Variants in ANKRD26 observed in about 807,000 individuals in gnomAD.
ANKRD26 encodes ankyrin repeat domain 26, also known as ankyrin repeat domain-containing protein 26.
A neutral mutation model predicts 208.7 loss-of-function variants in ANKRD26; 141 were observed. The observed-to-expected ratio is 0.68, with a 90% confidence interval of 0.59 to 0.78. The LOEUF is 0.78. ANKRD26 is among the 30% of genes least tolerant of loss of function. The pLI, the probability that ANKRD26 is intolerant of heterozygous loss-of-function variation, is 0.00. For synonymous variants in ANKRD26, 636 were observed against 660.4 expected, an observed-to-expected ratio of 0.96 and a Z score of 0.57; for missense variants, 1,889 against 1,938.7, an observed-to-expected ratio of 0.97 and a Z score of 0.48.
intron 27 of ANKRD26, among the ~76,000 whole-genome samples, chr10:27,027,506 C>G (rs2053701072): frequency 6.6e-6 from 1 of 152,126 alleles, no homozygotes; most frequent in Admixed American, 6.5e-5. Context: ...CAGAAATAAT[C>G]CGAACGTCCA....
intron 4 of ANKRD26, among the ~76,000 whole-genome samples, chr10:26,998,006 A>T (rs56834555): frequency 1.1e-3 from 161 of 152,220 alleles, no homozygotes; most frequent in African/African-American, 3.8e-3. Flanking sequence ...GTTGGGTCTG[A>T]TTACCCCAAC....
intron 27 of ANKRD26, among the ~76,000 whole-genome samples, chr10:27,026,227 G>A (rs963404741): frequency 1.3e-5 from 2 of 152,148 alleles, no homozygotes; most frequent in African/African-American, 4.8e-5. Context: ...ATTTCAAAGT[G>A]ACTAATAATT....
intron 6 of ANKRD26, among the ~76,000 whole-genome samples, chr10:27,082,315 G>A (rs2055950659): frequency 6.6e-6 from 1 of 152,130 alleles, no homozygotes; most frequent in Admixed American, 6.5e-5. Context: ...ATGGCCCTGT[G>A]GCCACAGCTA....
chr10:27,091,424 C>T (rs2135717496), intron 4 of ANKRD26, among the ~76,000 whole-genome samples: 1 of 152,150 alleles, frequency 6.6e-6, no homozygotes, highest in East Asian at 1.9e-4. Context: ...TGTCTTTCTT[C>T]CCTTTGCCCA....
At chr10:27,010,765 C>T (rs1030291832) in intron 32 of ANKRD26, among the ~76,000 whole-genome samples, 7 of 152,130 alleles carry the variant, frequency 4.6e-5, no homozygotes, top group Non-Finnish European at 1.0e-4. Flanking sequence ...GCTTCGGCCT[C>T]CCAAAGTGTT....
chr10:26,960,872 G>T, the ANKRD26 span, among the ~76,000 whole-genome samples: 5 of 152,130 alleles, frequency 3.3e-5, no homozygotes, highest in East Asian at 9.6e-4. Context: ...CAACAGTGGG[G>T]GGTAGCCTCA....
intron 5 of ANKRD26, among the ~76,000 whole-genome samples, chr10:26,994,303 A>G (rs2052541116): frequency 6.6e-6 from 1 of 152,220 alleles, no homozygotes; most frequent in African/African-American, 2.4e-5. Flanking sequence ...AAAACAGATC[A>G]GGAGTAAACC....
chr10:27,044,358 T>C (rs748926864), intron 18 of ANKRD26, among the ~76,000 whole-genome samples, 168 bp from the exon 19 acceptor site: 18 of 152,124 alleles, frequency 1.2e-4, no homozygotes, highest in Non-Finnish European at 2.4e-4. Flanking sequence ...AATAACTTTC[T>C]ACAAGGGGTA....
intron 15 of ANKRD26, among the ~76,000 whole-genome samples, chr10:27,057,412 C>CA (rs1237358977): frequency 2.6e-5 from 4 of 151,962 alleles, no homozygotes; most frequent in Admixed American, 6.6e-5. Flanking sequence ...AATTAAGATT[C>CA]TTCAGGGATA....
chr10:27,066,499 A>G lies in ANKRD26; in HGVS notation c.1257T>C (p.Pro419=). 1 of 1,595,720 alleles carries G rather than the reference A, an allele frequency of 6.3e-7. No individual in the cohort carries two copies. The highest frequency in any genetic ancestry group is 1.3e-5 in the African/African-American group (1 of 74,728). ...CCATAGAAAGTACCTCAGAATCCCA[A>G]GGTGATTCTATATCTTCCTCTTGTC... ...GLGQEEDIES[P]WDSESISENF... The change falls in exon 11 of 34, where the codon CCT becomes CCC. Residue 419 remains proline (P), a synonymous_variant. Coordinates refer to ENST00000376087, the MANE Select transcript of ANKRD26 (RefSeq NM_014915.3).
At chr10:26,953,202 T>C in the ANKRD26 span, among the ~76,000 whole-genome samples, 1 of 149,614 alleles carries the variant, frequency 6.7e-6, no homozygotes, top group Admixed American at 6.7e-5. Flanking sequence ...AGGTGGGAGG[T>C]TCATTTGAGG....
rs1456285562 is a variant in ANKRD26 at position 27,067,326 on chromosome 10, A to C, written c.1078-40T>G. On this transcript the variant is annotated intron_variant, in intron 9 of 33. Coordinates refer to ENST00000376087, the MANE Select transcript of ANKRD26 (RefSeq NM_014915.3). ...AACAAACAAACAAAAAACTTCAGAA[A>C]ACACTGTATTTATTCACTTACCCAT... 2.5e-6 allele frequency: 4 copies of C among 1,602,618 alleles called. No individual in the cohort carries two copies. The South Asian group carries it at 4.4e-5, about 18-fold the overall frequency.
At chr10:27,006,853 T>C in intron 33 of ANKRD26, 64 bp downstream of exon 33, 3 of 1,331,562 alleles carry the variant, frequency 2.3e-6, no homozygotes, top group Non-Finnish European at 3.2e-6. Context: ...CACTCACGAT[T>C]TACAATTTAT....
chr10:26,982,103 A>G (rs1245200788), intron 4 of ANKRD26, among the ~76,000 whole-genome samples: 2 of 152,168 alleles, frequency 1.3e-5, no homozygotes, highest in South Asian at 2.1e-4. Flanking sequence ...AAGCAGTCAG[A>G]TATGTGTTTG....
chr10:26,986,106 G>A (rs1297553300), intron 3 of ANKRD26, among the ~76,000 whole-genome samples: 3 of 152,106 alleles, frequency 2.0e-5, no homozygotes, highest in Non-Finnish European at 4.4e-5. Flanking sequence ...ACAGAACAGA[G>A]CCCTCAGAAA....
At chr10:26,962,716 C>T in the ANKRD26 span, among the ~76,000 whole-genome samples, 2 of 152,034 alleles carry the variant, frequency 1.3e-5, no homozygotes, top group Admixed American at 6.6e-5. Flanking sequence ...CCACTGCACT[C>T]CAGCCTGAGT....
downstream of ANKRD26, among the ~76,000 whole-genome samples, chr10:27,002,428 T>C (rs1272318059): frequency 6.6e-6 from 1 of 152,180 alleles, no homozygotes; most frequent in Admixed American, 6.5e-5. Context: ...GTATTCTGGT[T>C]TCCTCCTACA....
chr10:27,035,916 G>C (rs2054028079), intron 23 of ANKRD26, among the ~76,000 whole-genome samples, 164 bp from the exon 24 acceptor site: 1 of 150,508 alleles, frequency 6.6e-6, no homozygotes, highest in Non-Finnish European at 1.5e-5. Context: ...ACCGTATAGA[G>C]CATAAACTCC....
At chr10:27,026,985 C>T (rs2053680468) in intron 27 of ANKRD26, among the ~76,000 whole-genome samples, 1 of 152,100 alleles carries the variant, frequency 6.6e-6, no homozygotes, top group Non-Finnish European at 1.5e-5. Context: ...AGGGTTTTGC[C>T]ATGTTGGCCA....
Sources: gnomAD v4.1 joint callset for allele counts (sites outside exome capture counted in the v4.1 genomes callset) on GRCh38, gnomAD v4.1.1 for gene constraint, MANE v1.5 for transcripts, NCBI Gene and HGNC (gene_info 2026-07-23, HGNC 2026-07-21) for gene names.